FAAP20: variants seen among roughly 807,000 people sequenced by gnomAD.
The protein encoded by FAAP20 is FA core complex associated protein 20.
FAAP20 carries 12 observed loss-of-function variants against 16.2 expected under a neutral mutation model. The observed-to-expected ratio is 0.74, with a 90% CI of 0.48 to 1.20. The LOEUF (loss-of-function observed/expected upper bound fraction) is 1.20, where lower values mean the gene tolerates loss of function less well. Among genes scored for constraint, FAAP20 ranks in the 50% most tolerant of loss-of-function variants. The pLI is 0.00. For missense variants in FAAP20, 288 were observed against 245.8 expected (o/e 1.17, Z -1.15); for synonymous variants, 141 against 110.7 (o/e 1.27, Z -1.72).
chr1:2,207,330 G>C (rs889285682), downstream of FAAP20, among the ~76,000 whole-genome samples: 59 of 152,218 alleles, frequency 3.9e-4, no homozygotes, highest in African/African-American at 1.3e-3. Context: ...TGGTCTGGTA[G>C]ATAACTGGAG....
upstream of FAAP20, among the ~76,000 whole-genome samples, chr1:2,202,372 A>G (rs567848229): frequency 9.8e-5 from 15 of 152,310 alleles, no homozygotes; most frequent in South Asian, 1.9e-3. Flanking sequence ...AGGGTCTTGC[A>G]CTGTTGCCCA....
At chr1:2,192,583 C>A (rs1041469201) in intron 3 of FAAP20, 12 of 1,065,396 alleles carry the variant, frequency 1.1e-5, no homozygotes, top group African/African-American at 1.7e-5. Flanking sequence ...GAGCTTCAGC[C>A]AAGAGCATGG....
At chr1:2,203,339 G>A, upstream of FAAP20, 11 of 853,206 alleles carry the variant, frequency 1.3e-5, no homozygotes, top group Non-Finnish European at 1.6e-5. Context: ...CCATAGTGGG[G>A]CAGGCTCTCT....
downstream of FAAP20, among the ~76,000 whole-genome samples, chr1:2,211,251 C>T (rs1471352442): frequency 1.5e-4 from 17 of 114,436 alleles, no homozygotes; most frequent in Admixed American, 3.9e-4. Context: ...TTTTTTGAGA[C>T]GGAGTTTCGC....
At chr1:2,203,077 C>A (rs1689109798), upstream of FAAP20, among the ~76,000 whole-genome samples, 1 of 152,264 alleles carries the variant, frequency 6.6e-6, no homozygotes, top group African/African-American at 2.4e-5. Context: ...CTCCCATCCC[C>A]CTTCTGCTTT....
upstream of FAAP20, chr1:2,198,963 C>T (rs543396154): frequency 3.9e-6 from 5 of 1,288,890 alleles, no homozygotes; most frequent in African/African-American, 1.5e-5. Context: ...TTTGGGGCAG[C>T]AGAGCAGGTG....
chr1:2,189,704 G>A lies in FAAP20; in HGVS notation c.*5C>T, dbSNP rs764288753. Reference sequence around the variant, plus strand: ...CGCACTCTGCGCAGGGCTCTTGGATGGCGCTCACCACGTCACGTCTTCTGT... The same window carrying A: ...CGCACTCTGCGCAGGGCTCTTGGATAGCGCTCACCACGTCACGTCTTCTGT... On this transcript the variant is annotated 3_prime_UTR_variant, in exon 4 of 4. Transcript: ENST00000378546. 7.4e-6 allele frequency: 12 copies of A among 1,612,118 alleles called. No individual in the cohort carries two copies. Among genetic ancestry groups the A allele is most frequent in the African/African-American group, 4.0e-5 (3 of 74,890 alleles).
intron 3 of FAAP20, chr1:2,192,453 C>G (rs567527640): frequency 3.0e-6 from 3 of 996,458 alleles, no homozygotes; most frequent in African/African-American, 1.7e-5. Flanking sequence ...AGTTTTTCCT[C>G]GTGAACGTCC....
chr1:2,205,813 A>G (rs947575857), intron 3 of FAAP20, among the ~76,000 whole-genome samples: 2 of 152,236 alleles, frequency 1.3e-5, no homozygotes, highest in Non-Finnish European at 2.9e-5. Context: ...CTGTGCCCAG[A>G]TCGCCGGCGA....
chr1:2,193,679 G>T lies in FAAP20; in HGVS notation c.430C>A (p.Leu144Met). The change falls in exon 3 of 4, where the codon CTG (leucine) becomes ATG (methionine). Residue 144 changes from leucine to methionine, a missense_variant. Physicochemically the swap from Leu to Met is conservative, Grantham distance 15 (BLOSUM62 2). Transcript: ENST00000378546. ...TTCTGGCACATGGGGCAGCTGCGCA[G>T]GGCCGCGGCACCCTCCACAGACGGC... is the stretch of plus-strand genomic sequence containing the variant. Reference protein sequence around the residue: ...QQPSVEGAAALRSCPMCQKEF... With the variant: ...QQPSVEGAAAMRSCPMCQKEF... 1 of 1,600,924 alleles carries T rather than the reference G, an allele frequency of 6.2e-7. No individual in the cohort carries two copies. The highest frequency in any genetic ancestry group is 1.8e-5 in the Admixed American group (1 of 55,744).
intron 3 of FAAP20, chr1:2,193,229 G>T: frequency 3.2e-6 from 1 of 307,732 alleles, no homozygotes; most frequent in Non-Finnish European, 6.2e-6. Flanking sequence ...ATATACGTTG[G>T]GTTTCAAAAA....
downstream of FAAP20, chr1:2,184,967 G>T: frequency 6.2e-7 from 1 of 1,613,992 alleles, no homozygotes; most frequent in Non-Finnish European, 8.5e-7. Flanking sequence ...AAGGCTTTGA[G>T]TATATCAACC....
chr1:2,190,142 G>C, intron 3 of FAAP20: 3 of 508,774 alleles, frequency 5.9e-6, no homozygotes, highest in South Asian at 4.6e-5. Flanking sequence ...CAGGACGGCG[G>C]GTGGCCTGCC....
rs762828394 is a variant in FAAP20 at position 2,194,067 on chromosome 1, T to C, written c.129A>G (p.Leu43=). Reference sequence around the variant, plus strand: ...TCAGCTCCGGGCTCACCGTGCGCAGTAGCTCGGCCCAGAGCCGCTCCCGCT... The same window carrying C: ...TCAGCTCCGGGCTCACCGTGCGCAGCAGCTCGGCCCAGAGCCGCTCCCGCT... ...GDERERLWAE[L]LRTVSPELIL... The change falls in exon 2 of 4, where the codon CTA becomes CTG. Residue 43 remains leucine, a synonymous_variant. Coordinates refer to ENST00000378546, the MANE Select transcript of FAAP20 (RefSeq NM_182533.4). The C allele has an allele frequency of 1.8e-5, 29 of 1,612,504 alleles. 1 individual carries two copies. In the South Asian group the frequency reaches 2.3e-4, roughly 13 times the overall value.
downstream of FAAP20, chr1:2,186,280 T>C: frequency 3.6e-6 from 1 of 276,402 alleles, no homozygotes; most frequent in South Asian, 3.0e-5. Flanking sequence ...AACCCCAAGT[T>C]AGGAGGTCTG....
intron 3 of FAAP20, chr1:2,190,295 G>A (rs892225521): frequency 6.6e-6 from 3 of 456,382 alleles, no homozygotes; most frequent in Non-Finnish European, 1.3e-5. Flanking sequence ...CGTCACCGGC[G>A]TGCAGGCTGC....
At chr1:2,211,045 A>C (rs1300368231), downstream of FAAP20, among the ~76,000 whole-genome samples, 1 of 152,066 alleles carries the variant, frequency 6.6e-6, no homozygotes, top group African/African-American at 2.4e-5. Flanking sequence ...ACCTGGGGCC[A>C]GGGTGTTCTG....
chr1:2,189,122 G>A (rs1687872914), downstream of FAAP20, among the ~76,000 whole-genome samples: 1 of 151,796 alleles, frequency 6.6e-6, no homozygotes, highest in Admixed American at 6.6e-5. Flanking sequence ...TTGGGCCTAG[G>A]AGTTCGAGAC....
At chr1:2,185,087 G>T, downstream of FAAP20, 1 of 1,364,678 alleles carries the variant, frequency 7.3e-7, no homozygotes, top group Non-Finnish European at 1.0e-6. Context: ...TGCATGCCAG[G>T]CTGGGCACGG....
Sources: allele counts gnomAD v4.1 joint callset (sites outside exome capture counted in the v4.1 genomes callset), GRCh38; gene constraint gnomAD v4.1.1; transcripts MANE v1.5; gene names NCBI Gene and HGNC (gene_info 2026-07-23, HGNC 2026-07-21).